Variants in SLC22A14 observed in about 807,000 individuals in gnomAD.
The protein encoded by SLC22A14 is organic cation transporter-like 4.
Under a neutral mutation model 53.9 loss-of-function variants are expected in SLC22A14, and 50 were observed. That is an observed-to-expected ratio of 0.93 (90% CI 0.74 to 1.17). SLC22A14 has a LOEUF of 1.17. Among genes scored for constraint, SLC22A14 ranks in the 50% most tolerant of loss-of-function variants. The probability of loss-of-function intolerance (pLI) is 0.00; values close to 1 mark genes in which losing one functional copy is unlikely to be tolerated. For synonymous variants in SLC22A14, 312 were observed against 303.0 expected, an observed-to-expected ratio of 1.03 and a Z score of -0.31; for missense variants, 671 against 734.7, an observed-to-expected ratio of 0.91 and a Z score of 1.00.
intron 1 of SLC22A14, among the ~76,000 whole-genome samples, chr3:38,296,696 C>T (rs1274875199): frequency 6.6e-6 from 1 of 152,112 alleles, no homozygotes; most frequent in Non-Finnish European, 1.5e-5. Flanking sequence ...AACCTTGGGC[C>T]ATGCAGTGAG....
chr3:38,285,424 T>G (rs942222294), intron 1 of SLC22A14, among the ~76,000 whole-genome samples: 16 of 152,174 alleles, frequency 1.1e-4, no homozygotes, highest in Non-Finnish European at 1.8e-4. Context: ...CATTCCTCTG[T>G]CTCCCCTCAG....
chr3:38,314,270 G>C (rs1366298674), intron 8 of SLC22A14, among the ~76,000 whole-genome samples: 4 of 152,202 alleles, frequency 2.6e-5, no homozygotes, highest in African/African-American at 9.7e-5. Context: ...ATAAATGATG[G>C]CAAAAATATT....
At chr3:38,318,176 C>T in intron 10 of SLC22A14, 22 bp from the exon 11 acceptor site, 2 of 1,610,738 alleles carry the variant, frequency 1.2e-6, no homozygotes, top group South Asian at 2.2e-5. Context: ...GCCCTGGACT[C>T]ATCCTCTGAT....
At chr3:38,314,190 A>T (rs1175447295) in intron 8 of SLC22A14, among the ~76,000 whole-genome samples, 1 of 152,204 alleles carries the variant, frequency 6.6e-6, no homozygotes, top group Non-Finnish European at 1.5e-5. Context: ...TACTTTCCAG[A>T]GGACAGCAGG....
At chr3:38,303,616 C>A (rs566456416) in intron 1 of SLC22A14, among the ~76,000 whole-genome samples, 1 of 152,018 alleles carries the variant, frequency 6.6e-6, no homozygotes, top group South Asian at 2.1e-4. Context: ...GATATAAATT[C>A]TTCTCCACTA....
chr3:38,306,351 C>A lies in SLC22A14; in HGVS notation c.325C>A (p.His109Asn). ...NTSWILAVGP[H>N]LSKAEQLNLT... Reference sequence around the variant, plus strand: ...CAGCTGGATCCTGGCAGTGGGCCCCCACCTGTCCAAAGCTGAGCAGCTGAA... The same window carrying A: ...CAGCTGGATCCTGGCAGTGGGCCCCAACCTGTCCAAAGCTGAGCAGCTGAA... Residue 109 changes from histidine to asparagine, a missense_variant, in exon 2 of 11, where the codon CAC becomes AAC. Coordinates refer to ENST00000448498, the MANE Select transcript of SLC22A14 (RefSeq NM_001320033.2). 1.2e-6 allele frequency: 2 copies of A among 1,614,204 alleles called. No homozygotes were observed. The highest frequency in any genetic ancestry group is 4.5e-5 in the East Asian group (2 of 44,876).
intron 9 of SLC22A14, 109 bp from the exon 10 acceptor site, chr3:38,316,215 G>T (rs1225710741): frequency 2.2e-6 from 2 of 922,046 alleles, no homozygotes; most frequent in Non-Finnish European, 1.7e-6. Flanking sequence ...ACACAATGAG[G>T]ATGGGACAGG....
intron 1 of SLC22A14, among the ~76,000 whole-genome samples, chr3:38,300,299 A>T (rs1323365579): frequency 1.3e-5 from 2 of 152,120 alleles, no homozygotes; most frequent in African/African-American, 2.4e-5. Context: ...AATTAGCCGG[A>T]TGTGGTGGTG....
At chr3:38,290,235 C>G (rs538449753) in intron 1 of SLC22A14, among the ~76,000 whole-genome samples, 36 of 152,324 alleles carry the variant, frequency 2.4e-4, no homozygotes, top group African/African-American at 8.7e-4. Context: ...CCAATGACTG[C>G]TCTAACTGCT....
chr3:38,286,339 A>G (rs533225637), intron 1 of SLC22A14, among the ~76,000 whole-genome samples: 34 of 152,200 alleles, frequency 2.2e-4, no homozygotes, highest in South Asian at 6.2e-4. Context: ...GAGGTTGAGC[A>G]TCTTCACATG....
chr3:38,305,761 A>T, intron 1 of SLC22A14: 1 of 470,296 alleles, frequency 2.1e-6, no homozygotes, highest in South Asian at 3.4e-5. Context: ...AGTTCCTAAG[A>T]ACTTAGTCCT....
chr3:38,306,066 C>A lies in SLC22A14; in HGVS notation c.40C>A (p.Gln14Lys). 6.2e-7 allele frequency: 1 copy of A among 1,613,850 alleles called. No homozygotes were observed. The highest frequency in any genetic ancestry group is 8.5e-7 in the Non-Finnish European group (1 of 1,179,838). The stretch of plus-strand genomic sequence containing the variant: ...GAACTTCAAGGAAGAGCTCAGATCC[C>A]AGGATGCTTCCAGGAACTTGAACCA... ...EENFKEELRS[Q>K]DASRNLNQHE... The change falls in exon 2 of 11, where the codon CAG becomes AAG. Residue 14 changes from glutamine to lysine, a missense_variant. Coordinates refer to ENST00000448498, the MANE Select transcript of SLC22A14 (RefSeq NM_001320033.2).
At chr3:38,314,947 G>C (rs978052147) in intron 8 of SLC22A14, among the ~76,000 whole-genome samples, 1 of 152,252 alleles carries the variant, frequency 6.6e-6, no homozygotes, top group African/African-American at 2.4e-5. Flanking sequence ...ACTGGAATGG[G>C]AGTAAGGCCG....
At chr3:38,283,132 G>A (rs970918581) in intron 1 of SLC22A14, among the ~76,000 whole-genome samples, 1 of 151,966 alleles carries the variant, frequency 6.6e-6, no homozygotes, top group Non-Finnish European at 1.5e-5. Context: ...AGCCACCGAC[G>A]GCTGCCCAAA....
At chr3:38,312,173 A>G (rs1704485187) in intron 5 of SLC22A14, among the ~76,000 whole-genome samples, 1 of 152,158 alleles carries the variant, frequency 6.6e-6, no homozygotes, top group South Asian at 2.1e-4. Context: ...TTTATTAAAA[A>G]GTTATACCAC....
intron 5 of SLC22A14, among the ~76,000 whole-genome samples, chr3:38,311,688 A>G (rs1704472188): frequency 6.6e-6 from 1 of 152,342 alleles, no homozygotes; most frequent in South Asian, 2.1e-4. Context: ...GCATGAATAC[A>G]GTTCAGCCAA....
At chr3:38,300,448 A>T (rs528507778) in intron 1 of SLC22A14, among the ~76,000 whole-genome samples, 1 of 152,278 alleles carries the variant, frequency 6.6e-6, no homozygotes, top group East Asian at 1.9e-4. Flanking sequence ...TCAAAAAAAA[A>T]TGTTATTATA....
chr3:38,283,210 G>A (rs560699792), intron 1 of SLC22A14, among the ~76,000 whole-genome samples: 2 of 152,206 alleles, frequency 1.3e-5, no homozygotes, highest in South Asian at 4.1e-4. Flanking sequence ...GGACCTACCT[G>A]ACAATCCAGG....
chr3:38,302,464 C>G (rs930541704), intron 1 of SLC22A14, among the ~76,000 whole-genome samples: 1 of 151,654 alleles, frequency 6.6e-6, no homozygotes, highest in Admixed American at 6.6e-5. Context: ...CCAGACCAAC[C>G]TGGGCAACAC....
Sources: allele counts gnomAD v4.1 joint callset (sites outside exome capture counted in the v4.1 genomes callset), GRCh38; gene constraint gnomAD v4.1.1; transcripts MANE v1.5; gene names NCBI Gene and HGNC (gene_info 2026-07-23, HGNC 2026-07-21).